The following MRPS6 variants were observed in gnomAD, a reference collection of about 807,000 sequenced individuals.
The protein encoded by MRPS6 is small ribosomal subunit protein bS6m.
MRPS6 carries 6 observed loss-of-function variants against 13.1 expected under a neutral mutation model. The ratio of observed to expected loss-of-function variants is 0.46; its 90% CI spans 0.25 to 0.91. The LOEUF (loss-of-function observed/expected upper bound fraction) is 0.91, where lower values mean the gene tolerates loss of function less well. Ranked by LOEUF, MRPS6 falls within the 40% of genes least tolerant of loss-of-function variation. MRPS6 has a pLI of 0.18. For synonymous variants in MRPS6, 61 were observed against 56.5 expected (o/e 1.08, Z -0.36); for missense variants, 164 against 155.6 (o/e 1.05, Z -0.29).
chr21:34,113,239 A>G (rs1165773772), intron 1 of MRPS6, among the ~76,000 whole-genome samples: 1 of 152,220 alleles, frequency 6.6e-6, no homozygotes, highest in African/African-American at 2.4e-5. Context: ...TACTGGATAA[A>G]TGGAATAAAA....
intron 1 of MRPS6, chr21:34,098,100 G>A: frequency 1.0e-6 from 1 of 999,172 alleles, no homozygotes; most frequent in Non-Finnish European, 1.2e-6. Flanking sequence ...TGATTATGGG[G>A]GAGAAAATGA....
intron 1 of MRPS6, chr21:34,100,523 C>T: frequency 1.0e-6 from 1 of 1,000,254 alleles, no homozygotes; most frequent in African/African-American, 1.7e-5. Context: ...CCTAGGGCTT[C>T]CTTTTCACTT....
At chr21:34,102,869 A>T (rs1051753187) in intron 1 of MRPS6, 24 of 1,000,012 alleles carry the variant, frequency 2.4e-5, no homozygotes, top group Non-Finnish European at 2.8e-5. Context: ...AATAAGAGGA[A>T]TACATATTAC....
At chr21:34,139,352 T>C (rs912592694) in intron 2 of MRPS6, among the ~76,000 whole-genome samples, 5 of 152,090 alleles carry the variant, frequency 3.3e-5, no homozygotes, top group African/African-American at 1.2e-4. Context: ...AAAATTGGTA[T>C]TTTTGCCTTA....
At chr21:34,086,813 AG>A (rs1476717491) in intron 1 of MRPS6, among the ~76,000 whole-genome samples, 1 of 100 alleles carries the variant, frequency 0.01, no homozygotes, top group Non-Finnish European at 0.023. Context: ...TCTGAACTCA[AG>A]TTGTAATGGA....
At chr21:34,135,297 G>A (rs1191044315) in intron 2 of MRPS6, 1 of 213,358 alleles carries the variant, frequency 4.7e-6, no homozygotes, top group Admixed American at 5.5e-5. Context: ...AACTGTAGGT[G>A]TATGTTTAGG....
At chr21:34,085,863 A>C (rs1421763140) in intron 1 of MRPS6, among the ~76,000 whole-genome samples, 3 of 152,256 alleles carry the variant, frequency 2.0e-5, no homozygotes, top group Middle Eastern at 3.4e-3. Flanking sequence ...CGGCCTCCCA[A>C]AGTGCTGGGA....
chr21:34,094,391 C>T (rs1055930115), intron 1 of MRPS6, among the ~76,000 whole-genome samples: 1 of 152,152 alleles, frequency 6.6e-6, no homozygotes, highest in African/African-American at 2.4e-5. Context: ...TAAACACCAC[C>T]TGCCTGTTCC....
intron 1 of MRPS6, among the ~76,000 whole-genome samples, chr21:34,079,815 G>C (rs755255032): frequency 1.3e-5 from 2 of 151,810 alleles, no homozygotes; most frequent in African/African-American, 4.8e-5. Flanking sequence ...GGCATTTTCT[G>C]TTCTCTTCTG....
At position 34,125,526 on chromosome 21, in the gene MRPS6, G is replaced by A. The variant is rs750638904; in HGVS notation, c.185+46G>A. ...TTGAAAGACGTTTTTGATAGGCTCA[G>A]TAAAGAGTACTGTTCAATTACTATT... is the stretch of plus-strand genomic sequence containing the variant. On this transcript the variant is annotated intron_variant, in intron 2 of 2. Transcript: ENST00000399312. 2.2e-5 allele frequency: 35 copies of A among 1,607,006 alleles called. No homozygotes were observed. The Admixed American group carries it at 5.8e-4, about 27-fold the overall frequency.
Position 34,111,850 on chromosome 21 carries a change from T to G in MRPS6, c.46-13491T>G, listed in dbSNP as rs894411501. On this transcript the variant is annotated intron_variant, in intron 1 of 2. Transcript: ENST00000399312. ...CATGGCTTTTCAGAGTTGAGGTTTT[T>G]TTTTTTTTTTGTTGCTGTATTGTTC... 1.7e-3 allele frequency among the ~76,000 whole-genome samples: 258 copies of G among 152,178 alleles called. 2 individuals carry two copies. Among genetic ancestry groups the G allele is most frequent in the African/African-American group, 6.0e-3 (249 of 41,538 alleles).
At chr21:34,137,377 T>A (rs973780945) in intron 2 of MRPS6, among the ~76,000 whole-genome samples, 4 of 152,240 alleles carry the variant, frequency 2.6e-5, no homozygotes, top group Non-Finnish European at 4.4e-5. Flanking sequence ...TTTTGTCTGA[T>A]TTCTCTGCAA....
chr21:34,078,279 A>G (rs73361883), intron 1 of MRPS6, among the ~76,000 whole-genome samples: 344 of 152,202 alleles, frequency 2.3e-3, no homozygotes, highest in African/African-American at 7.8e-3. Flanking sequence ...CCTGTGAACA[A>G]TGTTATACTT....
At chr21:34,109,430 G>A (rs368510413) in intron 1 of MRPS6, among the ~76,000 whole-genome samples, 1 of 152,276 alleles carries the variant, frequency 6.6e-6, no homozygotes, top group African/African-American at 2.4e-5. Context: ...AGGATAAAAG[G>A]CCTTTTGCCA....
chr21:34,100,326 C>CT, intron 1 of MRPS6: 2 of 1,000,232 alleles, frequency 2.0e-6, no homozygotes, highest in Non-Finnish European at 2.4e-6. Context: ...TGTGGGACCT[C>CT]TAATTTCCCT....
intron 1 of MRPS6, among the ~76,000 whole-genome samples, chr21:34,112,723 C>T (rs1179667846): frequency 6.6e-6 from 1 of 152,168 alleles, no homozygotes; most frequent in Non-Finnish European, 1.5e-5. Context: ...TCCCCCCTCC[C>T]CATAACCACC....
chr21:34,082,214 G>A (rs1989475292), intron 1 of MRPS6, among the ~76,000 whole-genome samples: 1 of 152,134 alleles, frequency 6.6e-6, no homozygotes, highest in South Asian at 2.1e-4. Context: ...TGTTGACAAA[G>A]CCCACCTTGT....
chr21:34,090,198 A>T (rs1027109234), intron 1 of MRPS6, among the ~76,000 whole-genome samples: 3 of 152,236 alleles, frequency 2.0e-5, no homozygotes, highest in African/African-American at 7.2e-5. Context: ...GGCCAGTTAT[A>T]TTAGGAAAAC....
At chr21:34,084,366 A>G (rs1224070710) in intron 1 of MRPS6, among the ~76,000 whole-genome samples, 12 of 152,290 alleles carry the variant, frequency 7.9e-5, no homozygotes, top group South Asian at 2.1e-4. Context: ...TTCTAGAAAC[A>G]TAAAATTGGA....
Sources: gnomAD v4.1 joint callset for allele counts (sites outside exome capture counted in the v4.1 genomes callset) on GRCh38, gnomAD v4.1.1 for gene constraint, MANE v1.5 for transcripts, NCBI Gene and HGNC (gene_info 2026-07-23, HGNC 2026-07-21) for gene names.